The following GRID2 variants were observed in gnomAD, a reference collection of about 807,000 sequenced individuals.
GRID2 encodes glutamate ionotropic receptor delta type subunit 2, also known as glutamate receptor ionotropic, delta-2.
Under a neutral mutation model 114.8 loss-of-function variants are expected in GRID2, and 33 were observed. That is an observed-to-expected ratio of 0.29 (90% CI 0.22 to 0.38). The LOEUF (loss-of-function observed/expected upper bound fraction) is 0.38. Ranked by LOEUF, GRID2 falls within the 10% of genes least tolerant of loss-of-function variation. GRID2 has a pLI of 1.00. For synonymous variants in GRID2, 505 were observed against 449.9 expected (o/e 1.12, Z -1.55); for missense variants, 1,184 against 1,257.7 (o/e 0.94, Z 0.89).
At chr4:92,741,059 A>T (rs1357102350) in intron 2 of GRID2, among the ~76,000 whole-genome samples, 1 of 152,062 alleles carries the variant, frequency 6.6e-6, no homozygotes, top group African/African-American at 2.4e-5. Context: ...TTCTTTTCAT[A>T]TGTGATCTGC....
intron 14 of GRID2, among the ~76,000 whole-genome samples, chr4:93,673,311 C>T (rs957255988): frequency 6.6e-6 from 1 of 152,110 alleles, no homozygotes; most frequent in African/African-American, 2.4e-5. Flanking sequence ...CTACTGTAAA[C>T]ATTTTATGTT....
intron 14 of GRID2, among the ~76,000 whole-genome samples, chr4:93,694,473 A>G (rs1726839869): frequency 6.6e-6 from 1 of 152,096 alleles, no homozygotes; most frequent in Non-Finnish European, 1.5e-5. Flanking sequence ...GGGTCTTGCG[A>G]TCCATGTATG....
chr4:93,530,996 T>C (rs894454438), intron 13 of GRID2, among the ~76,000 whole-genome samples: 7 of 152,184 alleles, frequency 4.6e-5, no homozygotes, highest in Admixed American at 1.3e-4. Context: ...ATTTCAGTAC[T>C]TTTCAATTCA....
intron 2 of GRID2, among the ~76,000 whole-genome samples, chr4:92,700,902 G>T (rs1293055991): frequency 6.6e-6 from 1 of 151,658 alleles, no homozygotes; most frequent in Non-Finnish European, 1.5e-5. Flanking sequence ...TGAGAGGCAG[G>T]AGAATGGCGT....
At chr4:92,930,943 G>GA (rs1750185055) in intron 2 of GRID2, among the ~76,000 whole-genome samples, 2 of 150,750 alleles carry the variant, frequency 1.3e-5, no homozygotes, top group African/African-American at 2.4e-5. Flanking sequence ...AGCATTTGGG[G>GA]AAAAAACGAA....
At chr4:92,699,139 A>G (rs1208809796) in intron 2 of GRID2, among the ~76,000 whole-genome samples, 1 of 152,190 alleles carries the variant, frequency 6.6e-6, no homozygotes, top group Non-Finnish European at 1.5e-5. Flanking sequence ...AAAAATAGTT[A>G]TCAGCTACAT....
chr4:92,479,930 A>C (rs941076621), intron 1 of GRID2, among the ~76,000 whole-genome samples: 6 of 152,146 alleles, frequency 3.9e-5, no homozygotes, highest in South Asian at 2.1e-4. Context: ...TTATTAAAGC[A>C]TTTCATAAAT....
At chr4:93,461,643 A>C (rs1353162435) in intron 11 of GRID2, among the ~76,000 whole-genome samples, 1 of 152,120 alleles carries the variant, frequency 6.6e-6, no homozygotes, top group African/African-American at 2.4e-5. Context: ...AGCATTCTGG[A>C]AAAATAGCTC....
chr4:92,604,904 A>G (rs1729380289), intron 2 of GRID2, among the ~76,000 whole-genome samples: 1 of 152,054 alleles, frequency 6.6e-6, no homozygotes, highest in Non-Finnish European at 1.5e-5. Flanking sequence ...CCTGTGAAGG[A>G]AAAGACCAAG....
At chr4:93,127,137 A>G (rs967741036) in intron 4 of GRID2, among the ~76,000 whole-genome samples, 1 of 152,182 alleles carries the variant, frequency 6.6e-6, no homozygotes, top group Non-Finnish European at 1.5e-5. Flanking sequence ...GCATTTGTCT[A>G]TCTTAATTAG....
intron 11 of GRID2, among the ~76,000 whole-genome samples, chr4:93,483,829 T>C (rs527587943): frequency 6.6e-6 from 1 of 152,036 alleles, no homozygotes; most frequent in African/African-American, 2.4e-5. Context: ...TCAAGGGCTA[T>C]AGGAATCCAA....
intron 2 of GRID2, among the ~76,000 whole-genome samples, chr4:93,025,665 C>T (rs1391142606): frequency 3.3e-5 from 5 of 151,660 alleles, no homozygotes; most frequent in African/African-American, 1.2e-4. Context: ...GGGCAAACTT[C>T]CTTCCTTGCA....
chr4:93,227,492 G>A (rs1203439703), intron 7 of GRID2, among the ~76,000 whole-genome samples: 2 of 152,114 alleles, frequency 1.3e-5, no homozygotes, highest in Non-Finnish European at 2.9e-5. Context: ...CTCCCAAAGT[G>A]CTAGGATTAC....
At chr4:93,534,184 A>C (rs945894541) in intron 13 of GRID2, among the ~76,000 whole-genome samples, 6 of 152,174 alleles carry the variant, frequency 3.9e-5, no homozygotes, top group South Asian at 4.1e-4. Context: ...AATACCCCTG[A>C]TACCTCAGCA....
chr4:92,815,502 T>C (rs1740849304), intron 2 of GRID2, among the ~76,000 whole-genome samples: 1 of 152,154 alleles, frequency 6.6e-6, no homozygotes, highest in Non-Finnish European at 1.5e-5. Flanking sequence ...GATTTTCCTA[T>C]TAATTTAAAT....
In GRID2 at chr4:93,591,957, A is replaced by G. The variant is rs1380180246; in HGVS notation, c.2194-34312A>G. Among the ~76,000 whole-genome samples, 12 of 150,564 alleles carry G rather than the reference A, an allele frequency of 8.0e-5. No homozygotes were observed. In the East Asian group the frequency reaches 2.0e-3, roughly 25 times the overall value. On this transcript the variant is annotated intron_variant, in intron 13 of 15. Transcript: ENST00000282020. ...TTGATTCTTTTCTCTTTTTTTCTTT[A>G]TTAGTCTTGCTAGTGCTCTATCAAT...
chr4:93,273,819 A>G (rs779333659), intron 8 of GRID2, among the ~76,000 whole-genome samples: 5 of 152,178 alleles, frequency 3.3e-5, no homozygotes, highest in Admixed American at 6.6e-5. Flanking sequence ...CAAAAACCTC[A>G]GAGAACTGCA....
chr4:92,540,409 C>T (rs1434422932), intron 1 of GRID2, among the ~76,000 whole-genome samples: 1 of 151,870 alleles, frequency 6.6e-6, no homozygotes, highest in African/African-American at 2.4e-5. Flanking sequence ...TGATATAGGG[C>T]TAATATCCAG....
At chr4:93,075,331 A>C (rs1729163186) in intron 2 of GRID2, among the ~76,000 whole-genome samples, 1 of 152,200 alleles carries the variant, frequency 6.6e-6, no homozygotes, top group African/African-American at 2.4e-5. Flanking sequence ...TCTCAAACTC[A>C]TAAAGAGCAT....
Sources: gnomAD v4.1 joint callset for allele counts (sites outside exome capture counted in the v4.1 genomes callset) on GRCh38, gnomAD v4.1.1 for gene constraint, MANE v1.5 for transcripts, NCBI Gene and HGNC (gene_info 2026-07-23, HGNC 2026-07-21) for gene names.